ZNF512: variants seen among roughly 807,000 people sequenced by gnomAD.
ZNF512 encodes the protein zinc finger protein 512.
A neutral mutation model predicts 77.5 loss-of-function variants in ZNF512; 25 were observed. The observed-to-expected ratio is 0.32, with a 90% CI of 0.23 to 0.45. The LOEUF is 0.45. Ranked by LOEUF, ZNF512 falls within the 20% of genes least tolerant of loss-of-function variation. The pLI is 1.00. For synonymous variants in ZNF512, 246 were observed against 239.9 expected, an observed-to-expected ratio of 1.03 and a Z score of -0.24; for missense variants, 483 against 692.6, an observed-to-expected ratio of 0.70 and a Z score of 3.40.
In ZNF512 at chr2:27,623,092, A is replaced by T. The variant is rs1055637341; in HGVS notation, c.*1631A>T. 6.5e-6 allele frequency: 1 copy of T among 152,728 alleles called. No homozygotes were observed. Among genetic ancestry groups the T allele is most frequent in the African/African-American group, 2.4e-5 (1 of 41,444 alleles). The allele number at this position is 152,728 out of a possible 1,614,324, so 9.5% of individuals were successfully genotyped here. On this transcript the variant is annotated 3_prime_UTR_variant, in exon 14 of 14. Transcript: ENST00000355467. ...GACAAAAGAAATAAATGACTCTCAG[A>T]AAGATGTTTCCAGTGTTCTTTGACG... is the stretch of plus-strand genomic sequence containing the variant.
In ZNF512 at chr2:27,615,283, A is replaced by C; in HGVS notation, c.1233+14A>C. The stretch of plus-strand genomic sequence containing the variant: ...TGTCCTAACCAGGTGGTTCTTTCTC[A>C]TTCATTTATTCAGTAAATGTTTATC... On this transcript the variant is annotated intron_variant, in intron 11 of 13. Transcript: ENST00000355467. The C allele has an allele frequency of 2.0e-4, 291 of 1,489,362 alleles. No homozygotes were observed. Among genetic ancestry groups the C allele is most frequent in the Middle Eastern group, 3.5e-4 (2 of 5,794 alleles). The allele number at this position is 1,489,362 out of a possible 1,614,324, so 92.3% of individuals were successfully genotyped here. A position where few individuals can be genotyped will look rare whatever the true frequency, so the allele number is the denominator to read the frequency against.
chr2:27,614,686 A>G (rs979381629), intron 10 of ZNF512, among the ~76,000 whole-genome samples: 6 of 152,002 alleles, frequency 3.9e-5, no homozygotes, highest in African/African-American at 4.8e-5. Flanking sequence ...TCAAAAAAAA[A>G]AAAAAAAAAT....
At chr2:27,605,502 G>T (rs935527314) in intron 9 of ZNF512, among the ~76,000 whole-genome samples, 14 of 151,548 alleles carry the variant, frequency 9.2e-5, no homozygotes, top group Non-Finnish European at 2.1e-4. Context: ...TTGAAACAGG[G>T]TCTTGCTCTT....
chr2:27,597,030 T>A (rs1461177457), intron 2 of ZNF512, among the ~76,000 whole-genome samples: 1 of 152,268 alleles, frequency 6.6e-6, no homozygotes, highest in Non-Finnish European at 1.5e-5. Flanking sequence ...TTTTTAGTTA[T>A]GGTCGTGTCT....
intron 1 of ZNF512, 59 bp from the exon 2 acceptor site, chr2:27,583,599 T>C: frequency 1.2e-6 from 2 of 1,601,664 alleles, no homozygotes; most frequent in Non-Finnish European, 1.7e-6. Flanking sequence ...GGAATTCGTC[T>C]TTTTGTGGTC....
At chr2:27,602,648 T>C in intron 8 of ZNF512, 87 bp downstream of exon 8, 1 of 1,144,612 alleles carries the variant, frequency 8.7e-7, no homozygotes, top group Non-Finnish European at 1.2e-6. Context: ...TCTTCCTCAT[T>C]GTAGACTTCC....
intron 9 of ZNF512, among the ~76,000 whole-genome samples, chr2:27,605,402 C>T (rs531571318): frequency 3.3e-5 from 5 of 151,696 alleles, no homozygotes; most frequent in South Asian, 4.2e-4. Context: ...TGCAGTGAGC[C>T]GAGATGGTGC....
chr2:27,583,380 C>T (rs1313520717), intron 1 of ZNF512: 3 of 1,378,096 alleles, frequency 2.2e-6, no homozygotes, highest in Non-Finnish European at 2.9e-6. Flanking sequence ...TTTACATCCC[C>T]AATGTCTCTC....
At chr2:27,614,374 T>C (rs1390817474) in intron 10 of ZNF512, among the ~76,000 whole-genome samples, 1 of 152,250 alleles carries the variant, frequency 6.6e-6, no homozygotes, top group Admixed American at 6.5e-5. Context: ...TTTTGAAGTA[T>C]AAGCAGATAT....
chr2:27,619,410 A>G (rs1002991784), intron 13 of ZNF512, among the ~76,000 whole-genome samples: 4 of 152,100 alleles, frequency 2.6e-5, no homozygotes, highest in African/African-American at 9.7e-5. Context: ...TAAAAAAAAA[A>G]GGTAATTATC....
intron 4 of ZNF512, 71 bp from the exon 5 acceptor site, chr2:27,599,896 AGAG>A: frequency 1.3e-6 from 2 of 1,517,562 alleles, no homozygotes; most frequent in Non-Finnish European, 9.1e-7. Flanking sequence ...AGGGTGTTGA[AGAG>A]GAGGAGAGGG....
At chr2:27,612,016 A>G (rs970940203) in intron 10 of ZNF512, among the ~76,000 whole-genome samples, 1 of 152,172 alleles carries the variant, frequency 6.6e-6, no homozygotes, top group Non-Finnish European at 1.5e-5. Context: ...TGATGTTTAC[A>G]TAATGATTTT....
chr2:27,604,225 C>T (rs12464616), intron 9 of ZNF512, among the ~76,000 whole-genome samples: 36,806 of 152,192 alleles, frequency 0.24, 5,644 homozygotes, highest in East Asian at 0.49. Context: ...CTGTGCCCAG[C>T]CCCATTGTTA....
At chr2:27,609,253 A>G (rs1672503159) in intron 10 of ZNF512, among the ~76,000 whole-genome samples, 1 of 152,228 alleles carries the variant, frequency 6.6e-6, no homozygotes, top group South Asian at 2.1e-4. Context: ...GTTGGATTGT[A>G]TTTTTGAATA....
intron 2 of ZNF512, among the ~76,000 whole-genome samples, chr2:27,591,214 A>T (rs772716322): frequency 1.5e-4 from 22 of 151,686 alleles, no homozygotes; most frequent in Non-Finnish European, 2.5e-4. Flanking sequence ...TTGCTTTAAA[A>T]TTTTTTTATT....
At chr2:27,583,598 C>T (rs1671209222) in intron 1 of ZNF512, 60 bp from the exon 2 acceptor site, 20 of 1,600,918 alleles carry the variant, frequency 1.2e-5, no homozygotes, top group Non-Finnish European at 1.6e-5. Flanking sequence ...GGGAATTCGT[C>T]TTTTTGTGGT....
rs1281348043 is a variant in ZNF512 at position 27,623,166 on chromosome 2, C to T, written c.*1705C>T. On this transcript the variant is annotated 3_prime_UTR_variant, in exon 14 of 14. Coordinates refer to ENST00000355467, the MANE Select transcript of ZNF512 (RefSeq NM_032434.4). ...ACACTGTATGGGGGTAAGAAGATGG[C>T]TAGAGATGGGGGTGAGTTTGAAATA... The T allele has an allele frequency of 1.3e-5, 2 of 152,276 alleles. No individual in the cohort carries two copies. The highest frequency in any genetic ancestry group is 6.6e-5 in the Admixed American group (1 of 15,262). The allele number at this position is 152,276 out of a possible 1,614,324, so 9.4% of individuals were successfully genotyped here. A position where few individuals can be genotyped will look rare whatever the true frequency, so the allele number is the denominator to read the frequency against.
chr2:27,588,298 T>A (rs1218158985), intron 2 of ZNF512, among the ~76,000 whole-genome samples: 2 of 152,106 alleles, frequency 1.3e-5, no homozygotes, highest in African/African-American at 4.8e-5. Flanking sequence ...CACTCCAGCC[T>A]GGGCGACAGA....
rs77700979 is a variant in ZNF512 at position 27,615,164 on chromosome 2, G to T, written c.1132-4G>T. 1.3e-6 allele frequency: 2 copies of T among 1,557,472 alleles called. No homozygotes were observed. Among genetic ancestry groups the T allele is most frequent in the South Asian group, 2.3e-5 (2 of 86,308 alleles). On this transcript the variant is annotated splice_region_variant and splice_polypyrimidine_tract_variant and intron_variant, in intron 10 of 13. Coordinates refer to ENST00000355467, the MANE Select transcript of ZNF512 (RefSeq NM_032434.4). ...CTAATGTTTCTGGTTGTCTTGTCTT[G>T]TAGTTAAAATATACTCGTCCAGGGC...
Sources: gnomAD v4.1 joint callset for allele counts (sites outside exome capture counted in the v4.1 genomes callset) on GRCh38, gnomAD v4.1.1 for gene constraint, MANE v1.5 for transcripts, NCBI Gene and HGNC (gene_info 2026-07-23, HGNC 2026-07-21) for gene names.